The following SH2B2 variants were observed in gnomAD, a reference collection of about 807,000 sequenced individuals.
SH2B2 encodes SH2B adaptor protein 2.
A neutral mutation model predicts 35.7 loss-of-function variants in SH2B2; 37 were observed. That is an observed-to-expected ratio of 1.04 (90% CI 0.80 to 1.36). The LOEUF (loss-of-function observed/expected upper bound fraction) is 1.36, where lower values mean the gene tolerates loss of function less well. SH2B2 is among the 40% of genes most tolerant of loss of function. The pLI, the probability that SH2B2 is intolerant of heterozygous loss-of-function variation, is 0.00. For synonymous variants in SH2B2, 383 were observed against 376.4 expected, an observed-to-expected ratio of 1.02 and a Z score of -0.20; for missense variants, 852 against 817.7, an observed-to-expected ratio of 1.04 and a Z score of -0.51.
chr7:102,319,206 C>A (rs782290854), intron 7 of SH2B2, among the ~76,000 whole-genome samples: 3 of 152,212 alleles, frequency 2.0e-5, no homozygotes, highest in Non-Finnish European at 4.4e-5. Flanking sequence ...GATTGGGATG[C>A]GTCCAACTTG....
intron 3 of SH2B2, among the ~76,000 whole-genome samples, chr7:102,307,122 C>T (rs556548123): frequency 3.3e-5 from 5 of 152,364 alleles, no homozygotes; most frequent in African/African-American, 1.2e-4. Flanking sequence ...TCCCTTCCCC[C>T]ACTGGAGCTA....
intron 2 of SH2B2, among the ~76,000 whole-genome samples, chr7:102,301,491 T>A (rs528717559): frequency 1.3e-5 from 2 of 152,168 alleles, no homozygotes; most frequent in East Asian, 3.9e-4. Flanking sequence ...CGAGGAAGGG[T>A]CCTCTGGCTA....
intron 6 of SH2B2, among the ~76,000 whole-genome samples, chr7:102,315,405 C>T (rs1793785265): frequency 6.6e-6 from 1 of 152,090 alleles, no homozygotes; most frequent in South Asian, 2.1e-4. Flanking sequence ...TCACAACTCA[C>T]TGCAACCTCC....
intron 4 of SH2B2, among the ~76,000 whole-genome samples, chr7:102,312,921 G>A (rs1408259057): frequency 1.3e-5 from 2 of 151,026 alleles, no homozygotes; most frequent in East Asian, 2.0e-4. Context: ...CCTGAGGTTG[G>A]GAGTTTGAGA....
intron 1 of SH2B2, among the ~76,000 whole-genome samples, chr7:102,299,619 C>T (rs77560308): frequency 0.02 from 3,069 of 152,164 alleles, 117 homozygotes; most frequent in African/African-American, 0.071. Context: ...AATAGTTATG[C>T]GAATCCCAGG....
intron 4 of SH2B2, 189 bp downstream of exon 4, chr7:102,309,095 C>T (rs782001254): frequency 2.9e-6 from 2 of 685,242 alleles, no homozygotes; most frequent in African/African-American, 3.5e-5. Flanking sequence ...CGCCAGCAGA[C>T]TCTGTGAGGC....
At chr7:102,309,764 C>T (rs1487301596) in intron 4 of SH2B2, 2 of 154,690 alleles carry the variant, frequency 1.3e-5, no homozygotes, top group African/African-American at 4.8e-5. Flanking sequence ...GCGTGCTCAC[C>T]TAACCCAAGG....
At chr7:102,300,378 C>G (rs1554553281) in intron 1 of SH2B2, 144 bp from the exon 2 acceptor site, 4 of 1,077,374 alleles carry the variant, frequency 3.7e-6, no homozygotes, top group Non-Finnish European at 2.5e-6. Context: ...GAATGGCTGC[C>G]TGCTGTAGTC....
chr7:102,296,363 T>G (rs1792913579), intron 1 of SH2B2, among the ~76,000 whole-genome samples: 1 of 152,196 alleles, frequency 6.6e-6, no homozygotes, highest in Non-Finnish European at 1.5e-5. Context: ...GTGGGGACCC[T>G]GGGAGGACAG....
intron 2 of SH2B2, among the ~76,000 whole-genome samples, chr7:102,301,545 TGTGTGTGTGTGTCC>T (rs1475669093): frequency 2.0e-5 from 3 of 148,550 alleles, no homozygotes; most frequent in Admixed American, 1.3e-4. Context: ...TTCGTGTGTG[TGTGTGTGTGTGTCC>T]GTGTGTGTGT....
rs2132950524 is a variant in SH2B2 at position 102,300,607 on chromosome 7, G to A, written c.57G>A (p.Pro19=). The A allele has an allele frequency of 1.9e-6, 3 of 1,550,782 alleles. No homozygotes were observed. Among genetic ancestry groups the A allele is most frequent in the Non-Finnish European group, 2.6e-6 (3 of 1,146,338 alleles). Residue 19 remains proline, a synonymous_variant, in exon 2 of 9, where the codon CCG becomes CCA. Coordinates refer to ENST00000444095, the MANE Select transcript of SH2B2 (RefSeq NM_001359228.2). ...AAAAPVPVPV[P]VPDWRQFCEL... ...CCGCCCCGGTCCCAGTCCCGGTCCC[G>A]GTCCCGGACTGGCGGCAGTTCTGCG...
rs1001870918 is a variant in SH2B2 at position 102,313,696 on chromosome 7, C to T, written c.924-640C>T. ...TTTGGAGGACGAGGCAGGCAGATCA[C>T]GAGGTCAGTTTGAGACCAGCCTGGC... On this transcript the variant is annotated intron_variant, in intron 4 of 8. Transcript: ENST00000444095. 9.8e-3 allele frequency among the ~76,000 whole-genome samples: 1,491 copies of T among 152,034 alleles called. 26 individuals carry two copies. The highest frequency in any genetic ancestry group is 0.034 in the African/African-American group (1,421 of 41,488).
chr7:102,309,229 G>A (rs1554555487), intron 4 of SH2B2: 1 of 515,328 alleles, frequency 1.9e-6, no homozygotes, highest in Admixed American at 2.3e-5. Flanking sequence ...CAAAGGGCTG[G>A]GGGCCTGGTG....
rs548174949 is a variant in SH2B2, at chr7:102,311,746, C to T, written c.924-2590C>T. 1.3e-4 allele frequency among the ~76,000 whole-genome samples: 19 copies of T among 151,660 alleles called. No homozygotes were observed. The South Asian group carries it at 1.7e-3, about 13-fold the overall frequency. ...AGAAAAAGCATGTAAATTTATTTAACGTGTATACATAGGAGCCTTCAGAAT... is the reference window on the plus strand; with the variant it reads ...AGAAAAAGCATGTAAATTTATTTAATGTGTATACATAGGAGCCTTCAGAAT... On this transcript the variant is annotated intron_variant, in intron 4 of 8. Transcript: ENST00000444095.
intron 1 of SH2B2, among the ~76,000 whole-genome samples, chr7:102,295,776 T>C (rs982701072): frequency 5.3e-5 from 8 of 151,654 alleles, no homozygotes; most frequent in African/African-American, 1.9e-4. Flanking sequence ...GAAGTGTGAG[T>C]AGGAGTTAGG....
chr7:102,304,997 C>T (rs575683181), intron 2 of SH2B2, among the ~76,000 whole-genome samples: 20 of 152,364 alleles, frequency 1.3e-4, no homozygotes, highest in Admixed American at 4.6e-4. Flanking sequence ...CTCAGGCTCA[C>T]GGCAGGGAGC....
At chr7:102,293,937 A>G (rs1792798154) in intron 1 of SH2B2, among the ~76,000 whole-genome samples, 1 of 151,514 alleles carries the variant, frequency 6.6e-6, no homozygotes, top group South Asian at 2.1e-4. Flanking sequence ...ATAGGAGGAG[A>G]GCTGACCACC....
chr7:102,301,281 T>G lies in SH2B2; in HGVS notation c.729+2T>G. 1 of 1,602,038 alleles carries G rather than the reference T, an allele frequency of 6.2e-7. No homozygotes were observed. The highest frequency in any genetic ancestry group is 1.1e-5 in the South Asian group (1 of 89,756). ...CTGGAGTTCTTCGTGCCGCCCAAAG[T>G]GAGTTACCCCATAATCCCACCTAGC... is the stretch of plus-strand genomic sequence containing the variant. On this transcript the variant is annotated splice_donor_variant, in intron 2 of 8. Coordinates refer to ENST00000444095, the MANE Select transcript of SH2B2 (RefSeq NM_001359228.2). LOFTEE classifies it high-confidence loss of function.
chr7:102,288,142 G>A (rs529076861), intron 1 of SH2B2, among the ~76,000 whole-genome samples: 4 of 152,228 alleles, frequency 2.6e-5, no homozygotes, highest in South Asian at 2.1e-4. Flanking sequence ...CTGGGGGCAG[G>A]GGGTGTGGTT....
Sources: gnomAD v4.1 joint callset for allele counts (sites outside exome capture counted in the v4.1 genomes callset) on GRCh38, gnomAD v4.1.1 for gene constraint, MANE v1.5 for transcripts, NCBI Gene and HGNC (gene_info 2026-07-23, HGNC 2026-07-21) for gene names.